ARHGAP10: variants seen among roughly 807,000 people sequenced by gnomAD.
ARHGAP10 encodes rho GTPase-activating protein 10.
A neutral mutation model predicts 108.6 loss-of-function variants in ARHGAP10; 87 were observed. The observed-to-expected ratio is 0.80, with a 90% CI of 0.67 to 0.96. The LOEUF (loss-of-function observed/expected upper bound fraction) is 0.96, where lower values mean the gene tolerates loss of function less well. ARHGAP10 is among the 40% of genes least tolerant of loss of function. The pLI, the probability that ARHGAP10 is intolerant of heterozygous loss-of-function variation, is 0.00. For synonymous variants in ARHGAP10, 347 were observed against 341.1 expected (o/e 1.02, Z -0.19); for missense variants, 939 against 954.5 (o/e 0.98, Z 0.21).
rs930761550 is a variant in ARHGAP10, at chr4:147,963,270, T to C, written c.1451-1754T>C. On this transcript the variant is annotated intron_variant, in intron 16 of 22. Transcript: ENST00000336498. ...CATGCTATTTACTGAATTTGGAATG[T>C]TCCCCTTGCCCCTCAGTCCTGCCTT... Among the ~76,000 whole-genome samples, 4 of 152,304 alleles carry C rather than the reference T, an allele frequency of 2.6e-5. No individual in the cohort carries two copies. The East Asian group carries it at 5.8e-4, about 22-fold the overall frequency.
chr4:148,013,874 G>T (rs1422852238), intron 18 of ARHGAP10, among the ~76,000 whole-genome samples: 9 of 152,074 alleles, frequency 5.9e-5, no homozygotes, highest in African/African-American at 1.7e-4. Flanking sequence ...TTTTATCAGG[G>T]TTCTCACTAG....
At chr4:147,791,932 G>A (rs1230351412) in intron 1 of ARHGAP10, among the ~76,000 whole-genome samples, 2 of 152,114 alleles carry the variant, frequency 1.3e-5, no homozygotes, top group Non-Finnish European at 2.9e-5. Context: ...TTTTTGGAGT[G>A]TTTCCAAATT....
At chr4:147,792,398 G>T (rs2126748144) in intron 1 of ARHGAP10, among the ~76,000 whole-genome samples, 2 of 152,240 alleles carry the variant, frequency 1.3e-5, no homozygotes, top group East Asian at 3.9e-4. Flanking sequence ...TGGTGACAGG[G>T]ACTCAGGTTC....
At chr4:147,816,699 T>G (rs1191512932) in intron 1 of ARHGAP10, among the ~76,000 whole-genome samples, 2 of 152,230 alleles carry the variant, frequency 1.3e-5, no homozygotes, top group African/African-American at 4.8e-5. Context: ...AGTTATTTGC[T>G]TTATTTTTTA....
At chr4:147,766,127 A>G (rs1043686756) in intron 1 of ARHGAP10, among the ~76,000 whole-genome samples, 1 of 145,542 alleles carries the variant, frequency 6.9e-6, no homozygotes, top group Admixed American at 6.9e-5. Flanking sequence ...CTGGAAAAAA[A>G]ATAAATAAAT....
intron 1 of ARHGAP10, among the ~76,000 whole-genome samples, chr4:147,792,783 T>C (rs1731168913): frequency 6.6e-6 from 1 of 152,206 alleles, no homozygotes; most frequent in Admixed American, 6.5e-5. Flanking sequence ...TTAGTTTCAC[T>C]CTGTGAACTC....
intron 4 of ARHGAP10, among the ~76,000 whole-genome samples, chr4:147,850,208 A>G (rs1438574154): frequency 6.6e-6 from 1 of 152,210 alleles, no homozygotes; most frequent in East Asian, 1.9e-4. Flanking sequence ...GTAAAAATGG[A>G]CCAATCAGCA....
At chr4:147,857,346 G>T (rs1734134274) in intron 4 of ARHGAP10, among the ~76,000 whole-genome samples, 1 of 152,196 alleles carries the variant, frequency 6.6e-6, no homozygotes, top group Non-Finnish European at 1.5e-5. Context: ...ATTAAAGGAA[G>T]AAATAAAAGT....
At chr4:147,903,505 T>C (rs1357625853) in intron 10 of ARHGAP10, among the ~76,000 whole-genome samples, 1 of 152,222 alleles carries the variant, frequency 6.6e-6, no homozygotes, top group Non-Finnish European at 1.5e-5. Context: ...GGCTCACTCT[T>C]GGATTGTACA....
intron 3 of ARHGAP10, among the ~76,000 whole-genome samples, chr4:147,843,898 G>C (rs1733519908): frequency 6.6e-6 from 1 of 152,138 alleles, no homozygotes. Flanking sequence ...TTCATTTCCT[G>C]ATCTGAGTAC....
intron 1 of ARHGAP10, among the ~76,000 whole-genome samples, chr4:147,784,933 A>G (rs1730817050): frequency 7.9e-6 from 1 of 126,156 alleles, no homozygotes; most frequent in Non-Finnish European, 1.6e-5. Context: ...AATATATGTT[A>G]TAAAATATAA....
At chr4:147,883,186 T>A (rs569428116) in intron 10 of ARHGAP10, among the ~76,000 whole-genome samples, 1 of 152,186 alleles carries the variant, frequency 6.6e-6, no homozygotes, top group East Asian at 1.9e-4. Context: ...AAAGGACAAG[T>A]GGTTAAATAA....
chr4:147,842,996 C>T (rs1711541823), intron 3 of ARHGAP10, among the ~76,000 whole-genome samples: 1 of 152,204 alleles, frequency 6.6e-6, no homozygotes, highest in South Asian at 2.1e-4. Context: ...GGGCGTGAAA[C>T]TTCTCATGTC....
At chr4:147,975,192 A>G (rs779779304) in intron 18 of ARHGAP10, among the ~76,000 whole-genome samples, 1 of 152,214 alleles carries the variant, frequency 6.6e-6, no homozygotes, top group African/African-American at 2.4e-5. Context: ...GGATTGTGGT[A>G]GAATGTGTCT....
chr4:147,744,712 C>T (rs939828236), intron 1 of ARHGAP10, among the ~76,000 whole-genome samples: 2 of 152,054 alleles, frequency 1.3e-5, no homozygotes, highest in African/African-American at 4.8e-5. Context: ...GGTCCTGCCA[C>T]AGCAGCAGCT....
intron 18 of ARHGAP10, among the ~76,000 whole-genome samples, chr4:148,002,521 C>T (rs543658333): frequency 2.5e-4 from 38 of 152,248 alleles, no homozygotes; most frequent in African/African-American, 8.2e-4. Context: ...TGGTAGAATT[C>T]GGCTGTGAAT....
chr4:147,970,496 C>T (rs566148745), intron 18 of ARHGAP10, among the ~76,000 whole-genome samples: 1 of 152,232 alleles, frequency 6.6e-6, no homozygotes, highest in East Asian at 1.9e-4. Context: ...GTGTCACTGA[C>T]AGTGGCTCTG....
chr4:148,057,405 C>T (rs1729410980), intron 20 of ARHGAP10, among the ~76,000 whole-genome samples: 1 of 152,186 alleles, frequency 6.6e-6, no homozygotes, highest in Non-Finnish European at 1.5e-5. Flanking sequence ...GGTCTGAGAT[C>T]TGTGCTGTCT....
intron 7 of ARHGAP10, among the ~76,000 whole-genome samples, chr4:147,873,681 A>ACACACACACACACACACACAC (rs1734934734): frequency 2.0e-5 from 2 of 98,720 alleles, no homozygotes; most frequent in Admixed American, 1.3e-4. Context: ...CAAAAAACAA[A>ACACACACACACACACACACAC]ACACACACAC....
Sources: allele counts gnomAD v4.1 joint callset (sites outside exome capture counted in the v4.1 genomes callset), GRCh38; gene constraint gnomAD v4.1.1; transcripts MANE v1.5; gene names NCBI Gene and HGNC (gene_info 2026-07-23, HGNC 2026-07-21).